Variants in MDGA2 observed in about 807,000 individuals in gnomAD.
The protein encoded by MDGA2 is MAM domain-containing glycosylphosphatidylinositol anchor protein 2.
Under a neutral mutation model 117.8 loss-of-function variants are expected in MDGA2, and 40 were observed. That is an observed-to-expected ratio of 0.34 (90% CI 0.26 to 0.44). The LOEUF (loss-of-function observed/expected upper bound fraction) is 0.44. MDGA2 is among the 20% of genes least tolerant of loss of function. MDGA2 has a pLI of 1.00. For synonymous variants in MDGA2, 452 were observed against 439.0 expected (o/e 1.03, Z -0.37); for missense variants, 1,123 against 1,250.6 (o/e 0.90, Z 1.54).
At chr14:47,582,877 C>G (rs1048230062) in intron 1 of MDGA2, among the ~76,000 whole-genome samples, 1 of 151,884 alleles carries the variant, frequency 6.6e-6, no homozygotes, top group African/African-American at 2.4e-5. Flanking sequence ...CAACTTCAAC[C>G]TCTTTGTCAG....
intron 2 of MDGA2, among the ~76,000 whole-genome samples, chr14:47,270,898 A>G (rs1888122894): frequency 6.6e-6 from 1 of 152,090 alleles, no homozygotes; most frequent in Non-Finnish European, 1.5e-5. Context: ...TACTCATGTG[A>G]TTTCCTCTAA....
At chr14:47,623,926 C>T (rs1897095424) in intron 1 of MDGA2, among the ~76,000 whole-genome samples, 1 of 152,086 alleles carries the variant, frequency 6.6e-6, no homozygotes, top group Admixed American at 6.5e-5. Flanking sequence ...TGTTTAATTC[C>T]CAAACCAAAG....
chr14:47,036,270 C>CAAAAAAA (rs11310113), intron 7 of MDGA2, among the ~76,000 whole-genome samples: 1 of 74,444 alleles, frequency 1.3e-5, no homozygotes, highest in Non-Finnish European at 2.4e-5. Flanking sequence ...ACTCTGTCTC[C>CAAAAAAA]AAAAAAAAAA....
intron 2 of MDGA2, among the ~76,000 whole-genome samples, chr14:47,287,521 T>C (rs926119039): frequency 1.1e-4 from 17 of 152,162 alleles, no homozygotes; most frequent in African/African-American, 4.1e-4. Context: ...ACTATATCCA[T>C]AGCTTCACAT....
intron 5 of MDGA2, among the ~76,000 whole-genome samples, chr14:47,111,726 G>C (rs1881048348): frequency 6.6e-6 from 1 of 152,120 alleles, no homozygotes. Flanking sequence ...GGAAAATGGA[G>C]AGCAACAGTA....
intron 1 of MDGA2, among the ~76,000 whole-genome samples, chr14:47,638,739 C>G (rs989922310): frequency 6.6e-6 from 1 of 152,194 alleles, no homozygotes; most frequent in Middle Eastern, 3.2e-3. Context: ...ACAGGCCTCT[C>G]TCATACAGGT....
In MDGA2 at chr14:47,190,553, C is replaced by A. The variant is rs192962438; in HGVS notation, c.595+27468G>T. Among the ~76,000 whole-genome samples the A allele has an allele frequency of 2.7e-4, 41 of 152,254 alleles. No individual in the cohort carries two copies. The East Asian group carries it at 2.7e-3, about 10-fold the overall frequency. On this transcript the variant is annotated intron_variant, in intron 3 of 16. Transcript: ENST00000399232. The stretch of plus-strand genomic sequence containing the variant: ...CCAGAAATAGACCTTAAAACATTAT[C>A]TTTGGCTACGTAAAAATAACAACAA...
chr14:47,528,583 C>T (rs1024991872), intron 1 of MDGA2, among the ~76,000 whole-genome samples: 17 of 152,010 alleles, frequency 1.1e-4, no homozygotes, highest in African/African-American at 3.9e-4. Flanking sequence ...TAATAATCCA[C>T]AAAAAGTATA....
intron 1 of MDGA2, among the ~76,000 whole-genome samples, chr14:47,568,750 G>A (rs1037236404): frequency 6.6e-6 from 1 of 152,056 alleles, no homozygotes; most frequent in East Asian, 1.9e-4. Context: ...TGTTGCTGGG[G>A]TCAGAATATT....
At chr14:47,470,120 ATTTT>A (rs35293636) in intron 1 of MDGA2, among the ~76,000 whole-genome samples, 1 of 148,508 alleles carries the variant, frequency 6.7e-6, no homozygotes, top group Admixed American at 6.7e-5. Flanking sequence ...ATTTATTTTT[ATTTT>A]TTTTTTGATG....
At chr14:46,870,600 G>A (rs1352397039) in intron 14 of MDGA2, among the ~76,000 whole-genome samples, 1 of 151,880 alleles carries the variant, frequency 6.6e-6, no homozygotes, top group Non-Finnish European at 1.5e-5. Flanking sequence ...TTGCTGAGAG[G>A]AACTCAAGTA....
chr14:47,469,346 T>C (rs1434270943), intron 1 of MDGA2, among the ~76,000 whole-genome samples: 3 of 152,122 alleles, frequency 2.0e-5, no homozygotes, highest in Non-Finnish European at 4.4e-5. Context: ...TGAGTTCCCC[T>C]TCCTGTGACC....
At chr14:47,326,533 T>C (rs1445273776) in intron 1 of MDGA2, among the ~76,000 whole-genome samples, 3 of 152,130 alleles carry the variant, frequency 2.0e-5, no homozygotes, top group Non-Finnish European at 4.4e-5. Flanking sequence ...TTAAAGTTAC[T>C]TTCACCTCTT....
At chr14:47,086,094 G>GT (rs11331632) in intron 6 of MDGA2, among the ~76,000 whole-genome samples, 17 of 141,792 alleles carry the variant, frequency 1.2e-4, no homozygotes, top group East Asian at 2.1e-4. Context: ...AATGTGTAAG[G>GT]TTTTTTTTTT....
chr14:46,970,622 G>A (rs1886226562), intron 8 of MDGA2, among the ~76,000 whole-genome samples: 1 of 152,098 alleles, frequency 6.6e-6, no homozygotes, highest in African/African-American at 2.4e-5. Flanking sequence ...AACACTTTAA[G>A]ACATCAGTCT....
In MDGA2 at chr14:46,884,140, C is replaced by T. The variant is rs1409737991; in HGVS notation, c.2239-1919G>A. On this transcript the variant is annotated intron_variant, in intron 10 of 16. Coordinates refer to ENST00000399232, the MANE Select transcript of MDGA2 (RefSeq NM_001113498.3). This position sits in a 1 kb window ranked among gnomAD's most constrained non-coding sequence, Gnocchi z 4.1. ...CTCCTAAGGTCATCAACAACATGGCCTACTTTTACTTTGATTGTGAAACTC... is the reference window on the plus strand; with the variant it reads ...CTCCTAAGGTCATCAACAACATGGCTTACTTTTACTTTGATTGTGAAACTC... Among the ~76,000 whole-genome samples the T allele has an allele frequency of 3.3e-5, 5 of 152,030 alleles. No individual in the cohort carries two copies. The highest frequency in any genetic ancestry group is 7.2e-5 in the African/African-American group (3 of 41,410).
At chr14:47,381,774 T>C (rs1891634093) in intron 1 of MDGA2, among the ~76,000 whole-genome samples, 1 of 152,120 alleles carries the variant, frequency 6.6e-6, no homozygotes, top group Admixed American at 6.5e-5. Flanking sequence ...ATTGTGAAAA[T>C]GGCCATACTG....
intron 1 of MDGA2, among the ~76,000 whole-genome samples, chr14:47,343,440 A>G (rs994335903): frequency 6.6e-6 from 1 of 152,054 alleles, no homozygotes; most frequent in African/African-American, 2.4e-5. Flanking sequence ...ACTACATTTC[A>G]CTTATCAGTC....
At chr14:47,064,509 C>A (rs1389666397) in intron 6 of MDGA2, among the ~76,000 whole-genome samples, 1 of 152,024 alleles carries the variant, frequency 6.6e-6, no homozygotes, top group African/African-American at 2.4e-5. Flanking sequence ...ATTTTGTTTT[C>A]TTACTTAGCT....
Sources: allele counts gnomAD v4.1 joint callset (sites outside exome capture counted in the v4.1 genomes callset), GRCh38; gene constraint gnomAD v4.1.1; non-coding constraint Gnocchi (gnomAD v3.1); transcripts MANE v1.5; gene names NCBI Gene and HGNC (gene_info 2026-07-23, HGNC 2026-07-21).